The following VPS29 variants were observed in gnomAD, a reference collection of about 807,000 sequenced individuals.
The protein encoded by VPS29 is VPS29 retromer complex component.
A neutral mutation model predicts 20.0 loss-of-function variants in VPS29; 2 were observed. The observed-to-expected ratio is 0.10, with a 90% CI of 0.04 to 0.31. The LOEUF is 0.31. Ranked by LOEUF, VPS29 falls within the 10% of genes least tolerant of loss-of-function variation. VPS29 has a pLI of 1.00. For missense variants in VPS29, 120 were observed against 215.3 expected (o/e 0.56, Z 2.77); for synonymous variants, 81 against 79.3 (o/e 1.02, Z -0.12).
intron 1 of VPS29, among the ~76,000 whole-genome samples, chr12:110,498,623 A>G (rs2062945611): frequency 6.6e-6 from 1 of 152,244 alleles, no homozygotes; most frequent in Non-Finnish European, 1.5e-5. Flanking sequence ...TGTAATCTCA[A>G]AGTAACACAA....
intron 1 of VPS29, chr12:110,496,842 G>A (rs960159335): frequency 3.9e-5 from 6 of 152,280 alleles, no homozygotes; most frequent in South Asian, 4.1e-4. Flanking sequence ...TTAGGTGTAC[G>A]TTACAGAGAT....
Position 110,492,895 on chromosome 12 carries a change from C to T in VPS29, c.431+101G>A, listed in dbSNP as rs955781504. 18 of 1,068,824 alleles carry T rather than the reference C, an allele frequency of 1.7e-5. No individual in the cohort carries two copies. The African/African-American group carries it at 2.7e-4, about 16-fold the overall frequency. 66.2% of individuals were successfully genotyped at this position (1,068,824 alleles called of 1,614,324 possible). A position where few individuals can be genotyped will look rare whatever the true frequency, so the allele number is the denominator to read the frequency against. ...CTGGTCTCCCGAAGTGCTGGTATTA[C>T]AGGCATGAGCCACTGTGCCCAGCCA... On this transcript the variant is annotated intron_variant, in intron 3 of 3. Coordinates refer to ENST00000549578, the MANE Select transcript of VPS29 (RefSeq NM_016226.5).
At chr12:110,501,695 A>G (rs1196552888) in intron 1 of VPS29, 1 of 1,400,366 alleles carries the variant, frequency 7.1e-7, no homozygotes, top group Admixed American at 2.0e-5. Flanking sequence ...CCGTCTGGAA[A>G]CGGAGGACCG....
chr12:110,500,969 C>T (rs1012675164), intron 1 of VPS29, among the ~76,000 whole-genome samples: 18 of 152,020 alleles, frequency 1.2e-4, no homozygotes, highest in South Asian at 2.1e-4. Flanking sequence ...CATCTGAGGT[C>T]GGGAGGTAGA....
At position 110,495,868 on chromosome 12, in the gene VPS29, T is replaced by C. The variant is rs1592994535; in HGVS notation, c.195+144A>G. ...TTCAAATAGTAAGGGAGGGGCATGA[T>C]GTATAGTAATTTTACATTTGGAAAA... is the stretch of plus-strand genomic sequence containing the variant. On this transcript the variant is annotated intron_variant, in intron 2 of 3. Transcript: ENST00000549578. The C allele has an allele frequency of 8.0e-6, 5 of 626,326 alleles. No individual in the cohort carries two copies. The South Asian group carries it at 1.4e-4, about 18-fold the overall frequency. 38.8% of individuals were successfully genotyped at this position (626,326 alleles called of 1,614,324 possible).
intron 2 of VPS29, among the ~76,000 whole-genome samples, chr12:110,495,672 A>C (rs1289003051): frequency 1.3e-5 from 2 of 152,104 alleles, no homozygotes; most frequent in Non-Finnish European, 2.9e-5. Context: ...GTGCCACTGC[A>C]TTCCAGCCTG....
chr12:110,499,709 A>G (rs2062966766), intron 1 of VPS29, among the ~76,000 whole-genome samples: 1 of 152,106 alleles, frequency 6.6e-6, no homozygotes, highest in African/African-American at 2.4e-5. Flanking sequence ...TCTGAGTGTT[A>G]TGAAAGAAAA....
chr12:110,494,912 G>A lies in VPS29; in HGVS notation c.195+1100C>T, dbSNP rs983756089. The stretch of plus-strand genomic sequence containing the variant: ...TTTTTTTGTATTTTTAGTAGAGATG[G>A]GGTTTCACCGTATCAGCCAGGATGG... On this transcript the variant is annotated intron_variant, in intron 2 of 3. Transcript: ENST00000549578. Among the ~76,000 whole-genome samples the A allele has an allele frequency of 4.6e-5, 7 of 151,798 alleles. No individual in the cohort carries two copies. In the East Asian group the frequency reaches 1.4e-3, roughly 30 times the overall value.
intron 1 of VPS29, 47 bp from the exon 2 acceptor site, chr12:110,496,250 CA>C: frequency 6.7e-7 from 1 of 1,489,752 alleles, no homozygotes; most frequent in Non-Finnish European, 9.1e-7. Context: ...AACACAATAT[CA>C]AAACAAAATA....
chr12:110,493,361 C>CTT, intron 2 of VPS29, 130 bp from the exon 3 acceptor site: 4 of 566,796 alleles, frequency 7.1e-6, no homozygotes, highest in African/African-American at 6.7e-5. Flanking sequence ...CACATTTATA[C>CTT]ATTTTTTTTT....
intron 1 of VPS29, chr12:110,501,378 A>G (rs1320552870): frequency 2.0e-5 from 31 of 1,534,846 alleles, no homozygotes; most frequent in Non-Finnish European, 2.5e-5. Flanking sequence ...AAATTTCCCA[A>G]CAGTTTCAAT....
In VPS29 at chr12:110,496,011, C is replaced by T. The variant is rs1235703776; in HGVS notation, c.195+1G>A. On this transcript the variant is annotated splice_donor_variant, in intron 2 of 3. Transcript: ENST00000549578. LOFTEE classifies it high-confidence loss of function. ...TGAGAAGGGAAAGGGAAATACATCA[C>T]CTCATCGAAGTCTCCTCTCACAATA... The T allele has an allele frequency of 6.5e-7, 1 of 1,534,530 alleles. No homozygotes were observed. Among genetic ancestry groups the T allele is most frequent in the Non-Finnish European group, 8.9e-7 (1 of 1,125,460 alleles).
intron 1 of VPS29, among the ~76,000 whole-genome samples, chr12:110,498,530 C>G (rs960017538): frequency 6.6e-6 from 1 of 152,082 alleles, no homozygotes; most frequent in African/African-American, 2.4e-5. Flanking sequence ...CCAAAAGAAG[C>G]TTGATTTATC....
At chr12:110,500,340 C>T (rs2062986089) in intron 1 of VPS29, among the ~76,000 whole-genome samples, 1 of 152,114 alleles carries the variant, frequency 6.6e-6, no homozygotes, top group Non-Finnish European at 1.5e-5. Context: ...AAATGATGTT[C>T]CAGTACAACT....
Position 110,491,881 on chromosome 12 carries a change from T to C in VPS29, c.*124A>G. 1.4e-6 allele frequency: 1 copy of C among 691,636 alleles called. No individual in the cohort carries two copies. The highest frequency in any genetic ancestry group is 2.5e-6 in the Non-Finnish European group (1 of 395,224). 42.8% of individuals were successfully genotyped at this position (691,636 alleles called of 1,614,324 possible). A position where few individuals can be genotyped will look rare whatever the true frequency, so the allele number is the denominator to read the frequency against. ...AGCAATTATGTATTAACAGAGAAGA[T>C]GGTATTATATTTTACTGCAAAATAT... On this transcript the variant is annotated 3_prime_UTR_variant, in exon 4 of 4. Coordinates refer to ENST00000549578, the MANE Select transcript of VPS29 (RefSeq NM_016226.5).
intron 1 of VPS29, 27 bp from the exon 2 acceptor site, chr12:110,496,230 CATA>C (rs1408262300): frequency 2.5e-6 from 4 of 1,571,746 alleles, no homozygotes; most frequent in East Asian, 2.3e-5. Flanking sequence ...TGAGATAAAG[CATA>C]ATGTTAAACA....
intron 1 of VPS29, among the ~76,000 whole-genome samples, chr12:110,500,921 T>C (rs1354346026): frequency 6.6e-6 from 1 of 152,192 alleles, no homozygotes; most frequent in Non-Finnish European, 1.5e-5. Context: ...GGCTCACGCC[T>C]GTAACCCCAG....
chr12:110,493,264 A>G, intron 2 of VPS29, 33 bp from the exon 3 acceptor site: 2 of 1,389,666 alleles, frequency 1.4e-6, no homozygotes, highest in Non-Finnish European at 1.9e-6. Flanking sequence ...GAAAATATGT[A>G]TTTTAGAGAT....
chr12:110,496,328 G>T, intron 1 of VPS29, 125 bp from the exon 2 acceptor site: 1 of 813,400 alleles, frequency 1.2e-6, no homozygotes, highest in Non-Finnish European at 1.8e-6. Context: ...TATTCATAGG[G>T]TTCCTATCAT....
Sources: allele counts gnomAD v4.1 joint callset (sites outside exome capture counted in the v4.1 genomes callset), GRCh38; gene constraint gnomAD v4.1.1; transcripts MANE v1.5; gene names NCBI Gene and HGNC (gene_info 2026-07-23, HGNC 2026-07-21).